Variants in AFF2 observed in about 807,000 individuals in gnomAD.
AFF2 encodes ALF transcription elongation factor 2.
A neutral mutation model predicts 76.9 loss-of-function variants in AFF2; 14 were observed. The observed-to-expected ratio is 0.18, with a 90% confidence interval of 0.12 to 0.28. The LOEUF is 0.28. Ranked by LOEUF, AFF2 falls within the 10% of genes least tolerant of loss-of-function variation. The probability of loss-of-function intolerance (pLI) is 1.00; values close to 1 mark genes in which losing one functional copy is unlikely to be tolerated. For missense variants in AFF2, 868 were observed against 1,001.1 expected, an observed-to-expected ratio of 0.87 and a Z score of 1.79; for synonymous variants, 398 against 366.7, an observed-to-expected ratio of 1.09 and a Z score of -0.98.
intron 3 of AFF2, among the ~76,000 whole-genome samples, chrX:148,787,903 G>A (rs2069843092): frequency 8.9e-6 from 1 of 112,434 alleles, no homozygotes; most frequent in Non-Finnish European, 1.9e-5. Flanking sequence ...GAGCAAGGGA[G>A]TTATATTGAT....
chrX:148,688,854 G>A (rs1332021725), intron 3 of AFF2, among the ~76,000 whole-genome samples: 1 of 111,736 alleles, frequency 8.9e-6, no homozygotes, highest in Non-Finnish European at 1.9e-5. Flanking sequence ...GTAAGTATTT[G>A]TGTATCTAAA....
intron 9 of AFF2, among the ~76,000 whole-genome samples, chrX:148,952,559 G>C (rs1300422009): frequency 9.0e-6 from 1 of 111,698 alleles, no homozygotes; most frequent in African/African-American, 3.3e-5. Flanking sequence ...CCATTTCTGA[G>C]AGAAAGCAAA....
At chrX:148,890,962 T>C (rs782314839) in intron 8 of AFF2, among the ~76,000 whole-genome samples, 16 of 112,548 alleles carry the variant, frequency 1.4e-4, no homozygotes, top group Non-Finnish European at 2.4e-4. Context: ...TGCTGCAATG[T>C]ATTTTTTAAG....
intron 1 of AFF2, among the ~76,000 whole-genome samples, chrX:148,640,556 G>A (rs1161934618): frequency 3.6e-5 from 4 of 112,125 alleles, no homozygotes; most frequent in South Asian, 3.7e-4. Context: ...CTGCGTAAAC[G>A]CTTTATTTCA....
Position 148,662,734 on chromosome X carries a change from A to G in AFF2, c.1007A>G (p.Lys336Arg), listed in dbSNP as rs1192795406. The stretch of plus-strand genomic sequence containing the variant: ...CCCAGTGCAGCCAGTTCAAAGACTA[A>G]ACTGCCAAAGTTCACCATCCTCCAA... ...GKPSAASSKT[K>R]LPKFTILQTS... The change falls in exon 3 of 21, where the codon AAA (lysine) becomes AGA (arginine). Residue 336 changes from lysine to arginine, a missense_variant. This residue lies in a region of AFF2 where 532 missense variants were observed against 564.2 expected (regional missense o/e 0.94). Coordinates refer to ENST00000370460, the MANE Select transcript of AFF2 (RefSeq NM_002025.4). 1.5e-5 allele frequency: 18 copies of G among 1,209,135 alleles called. No homozygotes were observed. The highest frequency in any genetic ancestry group is 1.9e-5 in the Non-Finnish European group (17 of 894,334).
intron 4 of AFF2, among the ~76,000 whole-genome samples, chrX:148,811,542 T>C (rs782570692): frequency 5.3e-5 from 6 of 112,160 alleles, no homozygotes; most frequent in African/African-American, 1.6e-4. Flanking sequence ...GGTAATAACA[T>C]TGAAAGAAAT....
intron 8 of AFF2, among the ~76,000 whole-genome samples, chrX:148,887,512 TTATATGAATGTAATCTAC>T (rs1192489780): frequency 8.9e-6 from 1 of 112,392 alleles, no homozygotes; most frequent in East Asian, 2.8e-4. Context: ...CTTTATGTAA[TTATATGAATGTAATCTAC>T]TTTTTAACTT....
intron 3 of AFF2, among the ~76,000 whole-genome samples, chrX:148,671,888 A>G (rs1374950642): frequency 9.0e-6 from 1 of 111,376 alleles, no homozygotes; most frequent in Non-Finnish European, 1.9e-5. Flanking sequence ...ATAATGAAAG[A>G]TAGAGAACTC....
intron 4 of AFF2, among the ~76,000 whole-genome samples, chrX:148,820,998 G>A (rs782423195): frequency 8.0e-4 from 89 of 110,643 alleles, no homozygotes; most frequent in Non-Finnish European, 1.5e-3. Flanking sequence ...GAGACTCAGA[G>A]GCTGCATTTG....
rs1224084230 is a variant in AFF2, at chrX:148,521,137, G to A, written c.47+19993G>A. ...ACAGGGGTTTGGCTTGAGGGAAGCA[G>A]GCTTTCAGGGTTGCAGTCATATCAG... On this transcript the variant is annotated intron_variant, in intron 1 of 20. Coordinates refer to ENST00000370460, the MANE Select transcript of AFF2 (RefSeq NM_002025.4). 2.3e-4 allele frequency among the ~76,000 whole-genome samples: 26 copies of A among 111,453 alleles called. No individual in the cohort carries two copies. The Admixed American group carries it at 2.4e-3, about 10-fold the overall frequency.
At chrX:148,692,617 C>G (rs1367805157) in intron 3 of AFF2, among the ~76,000 whole-genome samples, 2 of 111,992 alleles carry the variant, frequency 1.8e-5, no homozygotes, top group Non-Finnish European at 1.9e-5. Context: ...TCATTTCTGG[C>G]AAGATAAAGT....
Position 148,743,493 on chromosome X carries a change from A to G in AFF2, c.1042-66383A>G, listed in dbSNP as rs182616464. Among the ~76,000 whole-genome samples the G allele has an allele frequency of 9.8e-5, 11 of 112,333 alleles. No homozygotes were observed. The East Asian group carries it at 3.1e-3, about 31-fold the overall frequency. On this transcript the variant is annotated intron_variant, in intron 3 of 20. Coordinates refer to ENST00000370460, the MANE Select transcript of AFF2 (RefSeq NM_002025.4). ...TTTTGTTCTTCATGGCTTGTTAAAC[A>G]ATGAAAATGAACATTCGGTAATGAT...
At chrX:148,853,159 TA>T (rs1557275578) in intron 7 of AFF2, among the ~76,000 whole-genome samples, 1 of 111,876 alleles carries the variant, frequency 8.9e-6, no homozygotes, top group Non-Finnish European at 1.9e-5. Flanking sequence ...GAAGGAAAAA[TA>T]ACAAAATAAT....
rs186616530 is a variant in AFF2, at chrX:148,953,465, G to A, written c.1398-115G>A. The A allele has an allele frequency of 6.1e-5, 51 of 840,424 alleles. 1 individual carries two copies. In the East Asian group the frequency reaches 1.6e-3, roughly 27 times the overall value. 69.3% of individuals were successfully genotyped at this position (840,424 alleles called of 1,213,427 possible). On this transcript the variant is annotated intron_variant, in intron 9 of 20. Transcript: ENST00000370460. The stretch of plus-strand genomic sequence containing the variant: ...CGTTTCCTATCTATAAAATGGGAAC[G>A]GTAAACCCCACTCTACCTGCATTTC...
rs1191911640 is a variant in AFF2 at position 148,997,134 on chromosome X, A to G, written c.*5802A>G. ...TATCTACTTACTGTTTTAGCTCTGA[A>G]CTCAAACCAGAATATCTCTGTATCA... On this transcript the variant is annotated 3_prime_UTR_variant, in exon 21 of 21. Coordinates refer to ENST00000370460, the MANE Select transcript of AFF2 (RefSeq NM_002025.4). 1 of 112,163 alleles carries G rather than the reference A, an allele frequency of 8.9e-6. No individual in the cohort carries two copies. The highest frequency in any genetic ancestry group is 2.8e-4 in the East Asian group (1 of 3,577). The allele number at this position is 112,163 out of a possible 1,213,427, so 9.2% of individuals were successfully genotyped here. A position where few individuals can be genotyped will look rare whatever the true frequency, so the allele number is the denominator to read the frequency against.
chrX:148,663,131 C>T (rs140968628), intron 3 of AFF2, among the ~76,000 whole-genome samples: 83 of 112,009 alleles, frequency 7.4e-4, no homozygotes, highest in African/African-American at 2.5e-3. Context: ...GAGAAGATTG[C>T]GAGTCACTAT....
intron 1 of AFF2, among the ~76,000 whole-genome samples, chrX:148,616,830 T>C (rs1391801389): frequency 1.8e-5 from 2 of 109,468 alleles, no homozygotes; most frequent in Non-Finnish European, 3.8e-5. Context: ...GGTGTTTGGT[T>C]TTTTGTCCTT....
chrX:148,913,529 C>A (rs377753371), intron 9 of AFF2, among the ~76,000 whole-genome samples: 1 of 111,714 alleles, frequency 9.0e-6, no homozygotes, highest in African/African-American at 3.3e-5. Context: ...TTATGAGAAC[C>A]TTTTCTCTTT....
chrX:148,764,472 CTGTT>C (rs1249543986), intron 3 of AFF2, among the ~76,000 whole-genome samples: 1 of 111,772 alleles, frequency 8.9e-6, no homozygotes, highest in Non-Finnish European at 1.9e-5. Context: ...ATTTGTTTGC[CTGTT>C]TGTTGTTTGT....
Sources: allele counts gnomAD v4.1 joint callset (sites outside exome capture counted in the v4.1 genomes callset), GRCh38; gene constraint gnomAD v4.1.1; regional missense constraint gnomAD v4.1.1; transcripts MANE v1.5; gene names NCBI Gene and HGNC (gene_info 2026-07-23, HGNC 2026-07-21).